The following FAM227B variants were observed in gnomAD, a reference collection of about 807,000 sequenced individuals.
FAM227B encodes the protein family with sequence similarity 227 member B, also known as protein FAM227B.
Under a neutral mutation model 73.8 loss-of-function variants are expected in FAM227B, and 88 were observed. The ratio of observed to expected loss-of-function variants is 1.19; its 90% CI spans 1.00 to 1.42. FAM227B has a LOEUF of 1.42. Ranked by LOEUF, FAM227B falls within the 40% of genes most tolerant of loss-of-function variation. The probability of loss-of-function intolerance (pLI) is 0.00; values close to 1 mark genes in which losing one functional copy is unlikely to be tolerated. For missense variants in FAM227B, 632 were observed against 590.9 expected (o/e 1.07, Z -0.72); for synonymous variants, 210 against 190.5 (o/e 1.10, Z -0.84).
intron 8 of FAM227B, among the ~76,000 whole-genome samples, chr15:49,569,191 T>C (rs962617485): frequency 1.3e-5 from 2 of 151,948 alleles, no homozygotes; most frequent in Non-Finnish European, 2.9e-5. Context: ...CTTATAATCC[T>C]TTCAACCTCC....
chr15:49,544,505 C>A (rs2071537875), intron 9 of FAM227B, among the ~76,000 whole-genome samples: 1 of 152,088 alleles, frequency 6.6e-6, no homozygotes, highest in Non-Finnish European at 1.5e-5. Context: ...TTATTTCATT[C>A]TCTTCTTTGA....
chr15:49,376,162 T>A lies in FAM227B; in HGVS notation c.1013-4763A>T, dbSNP rs2046149625. On this transcript the variant is annotated intron_variant, in intron 11 of 15. Coordinates refer to ENST00000299338, the MANE Select transcript of FAM227B (RefSeq NM_152647.3). The stretch of plus-strand genomic sequence containing the variant: ...GAAGTTCAATTTATTTATTTTTAAT[T>A]TTGTTGCTTTTTTGGTGTCATATCT... Among the ~76,000 whole-genome samples the A allele has an allele frequency of 3.3e-5, 5 of 152,184 alleles. 1 individual carries two copies. The South Asian group carries it at 1.0e-3, about 32-fold the overall frequency.
intron 11 of FAM227B, chr15:49,483,390 C>A: frequency 1.7e-6 from 1 of 575,368 alleles, no homozygotes. Flanking sequence ...ACACTTTATA[C>A]TCAAACGTTA....
intron 13 of FAM227B, among the ~76,000 whole-genome samples, chr15:49,352,811 A>C (rs1596409566): frequency 6.6e-6 from 1 of 152,148 alleles, no homozygotes; most frequent in South Asian, 2.1e-4. Context: ...GCAGTTCCCT[A>C]TCTTGCAAAG....
At chr15:49,523,768 T>C (rs1336018610) in intron 10 of FAM227B, among the ~76,000 whole-genome samples, 1 of 152,172 alleles carries the variant, frequency 6.6e-6, no homozygotes, top group Admixed American at 6.5e-5. Context: ...ATATGGACAA[T>C]GAAATCCAGT....
At chr15:49,423,991 C>G (rs2049910598) in intron 11 of FAM227B, 1 of 258,940 alleles carries the variant, frequency 3.9e-6, no homozygotes. Flanking sequence ...TTATCTTCCT[C>G]TCTCCTCCCC....
chr15:49,587,854 G>C (rs557973982), intron 5 of FAM227B, among the ~76,000 whole-genome samples, 162 bp downstream of exon 5: 2 of 152,112 alleles, frequency 1.3e-5, no homozygotes, highest in East Asian at 3.9e-4. Context: ...AGTATGAAAA[G>C]AAAGTAAGTG....
Position 49,367,611 on chromosome 15 carries a change from G to A in FAM227B, c.1111-3C>T. The stretch of plus-strand genomic sequence containing the variant: ...GGACCAGTACTACTATAGTGCGACT[G>A]TAAGAGGAAGAAAATAATCAAGACA... On this transcript the variant is annotated splice_region_variant and splice_polypyrimidine_tract_variant and intron_variant, in intron 12 of 15. Transcript: ENST00000299338. The A allele has an allele frequency of 2.6e-6, 4 of 1,540,020 alleles. No homozygotes were observed. The highest frequency in any genetic ancestry group is 3.5e-6 in the Non-Finnish European group (4 of 1,156,728).
intron 11 of FAM227B, among the ~76,000 whole-genome samples, chr15:49,414,941 C>A (rs976849329): frequency 6.6e-6 from 1 of 152,060 alleles, no homozygotes; most frequent in Admixed American, 6.6e-5. Flanking sequence ...TAAGTTATTG[C>A]GATAGCCACC....
intron 11 of FAM227B, among the ~76,000 whole-genome samples, chr15:49,489,803 T>C (rs1157670919): frequency 1.7e-5 from 1 of 57,276 alleles, no homozygotes; most frequent in South Asian, 6.3e-4. Context: ...TATATATATT[T>C]TATATATATA....
intron 10 of FAM227B, among the ~76,000 whole-genome samples, chr15:49,521,528 A>G (rs1403370993): frequency 6.6e-6 from 1 of 150,642 alleles, no homozygotes; most frequent in African/African-American, 2.5e-5. Context: ...AAACTTGGAG[A>G]CAGCCTTTCC....
chr15:49,589,886 C>T lies in FAM227B; in HGVS notation c.227G>A (p.Arg76Gln), dbSNP rs200293889. ...CATGATCAAAAGTGCTTCAAATATT[C>T]GAGGAACATTTTCCCATAGGTGTGT... ...IYTHLWENVP[R>Q]IFEALLIMES... The change falls in exon 4 of 16, where the codon CGA (arginine) becomes CAA (glutamine). Residue 76 changes from arginine (R) to glutamine (Q), a missense_variant. Transcript: ENST00000299338. 2.4e-5 allele frequency: 38 copies of T among 1,603,758 alleles called. No individual in the cohort carries two copies. The Middle Eastern group carries it at 1.8e-3, about 77-fold the overall frequency.
chr15:49,470,598 A>C (rs1299113482), intron 11 of FAM227B, among the ~76,000 whole-genome samples: 2 of 152,214 alleles, frequency 1.3e-5, no homozygotes, highest in Non-Finnish European at 2.9e-5. Context: ...CCTGTGTTTG[A>C]AATGATATTT....
At chr15:49,516,550 A>G (rs1033606093) in intron 10 of FAM227B, among the ~76,000 whole-genome samples, 9 of 151,994 alleles carry the variant, frequency 5.9e-5, no homozygotes, top group Non-Finnish European at 1.0e-4. Flanking sequence ...AGGGAGCAAT[A>G]TATTTTTAGC....
chr15:49,537,604 G>A (rs1469179032), intron 10 of FAM227B, among the ~76,000 whole-genome samples: 1 of 152,066 alleles, frequency 6.6e-6, no homozygotes, highest in East Asian at 1.9e-4. Context: ...TATCATAAGG[G>A]TATCTGCACT....
At chr15:49,367,333 A>G in intron 13 of FAM227B, 115 bp downstream of exon 13, 1 of 957,676 alleles carries the variant, frequency 1.0e-6, no homozygotes, top group Non-Finnish European at 1.5e-6. Context: ...AATACTAAAC[A>G]GAAGCATTGA....
In FAM227B at chr15:49,456,685, T is replaced by C. The variant is rs546373179; in HGVS notation, c.1012+51526A>G. Among the ~76,000 whole-genome samples, 17 of 152,182 alleles carry C rather than the reference T, an allele frequency of 1.1e-4. No homozygotes were observed. In the South Asian group the frequency reaches 2.5e-3, roughly 22 times the overall value. On this transcript the variant is annotated intron_variant, in intron 11 of 15. Coordinates refer to ENST00000299338, the MANE Select transcript of FAM227B (RefSeq NM_152647.3). ...TGTTCTTTCTAAAAAGAGTCAGAGA[T>C]ACTTTATTTTGTGAATTTCTGAAAA...
intron 9 of FAM227B, among the ~76,000 whole-genome samples, chr15:49,550,003 G>A (rs1357453834): frequency 8.6e-6 from 1 of 116,494 alleles, no homozygotes; most frequent in Non-Finnish European, 2.1e-5. Context: ...GGCTGGCCGG[G>A]CAGGGGGCTG....
intron 13 of FAM227B, among the ~76,000 whole-genome samples, chr15:49,361,044 G>T (rs1172911470): frequency 6.6e-6 from 1 of 152,000 alleles, no homozygotes; most frequent in Non-Finnish European, 1.5e-5. Flanking sequence ...GGGAGGTTTT[G>T]GTTAAAGAGG....
Sources: allele counts gnomAD v4.1 joint callset (sites outside exome capture counted in the v4.1 genomes callset), GRCh38; gene constraint gnomAD v4.1.1; transcripts MANE v1.5; gene names NCBI Gene and HGNC (gene_info 2026-07-23, HGNC 2026-07-21).